Variants in SLC35F4 observed in about 807,000 individuals in gnomAD.
The protein encoded by SLC35F4 is solute carrier family 35 member F4.
A neutral mutation model predicts 44.2 loss-of-function variants in SLC35F4; 24 were observed. That is an observed-to-expected ratio of 0.54 (90% CI 0.39 to 0.76). The LOEUF (loss-of-function observed/expected upper bound fraction) is 0.76, where lower values mean the gene tolerates loss of function less well. Among genes scored for constraint, SLC35F4 ranks in the 30% least tolerant of loss-of-function variants. SLC35F4 has a pLI of 0.00. For missense variants in SLC35F4, 562 were observed against 586.1 expected (o/e 0.96, Z 0.42); for synonymous variants, 238 against 223.6 (o/e 1.06, Z -0.57).
At chr14:57,589,093 C>G in intron 3 of SLC35F4, 123 bp downstream of exon 3, 1 of 1,058,528 alleles carries the variant, frequency 9.4e-7, no homozygotes, top group Non-Finnish European at 1.4e-6. Context: ...TCGTCTCCAA[C>G]CTTAGATCTT....
chr14:57,596,932 A>C, intron 1 of SLC35F4: 1 of 1,334,356 alleles, frequency 7.5e-7, no homozygotes, highest in Non-Finnish European at 1.0e-6. Flanking sequence ...AAACAATACA[A>C]ACTTTAAACT....
At chr14:57,767,803 A>C (rs1238388465) in intron 1 of SLC35F4, among the ~76,000 whole-genome samples, 1 of 152,168 alleles carries the variant, frequency 6.6e-6, no homozygotes, top group East Asian at 1.9e-4. Flanking sequence ...GATACAAATC[A>C]CCAAGATCAA....
chr14:57,942,598 A>G (rs1273557217), intron 1 of SLC35F4, among the ~76,000 whole-genome samples: 1 of 152,214 alleles, frequency 6.6e-6, no homozygotes, highest in Non-Finnish European at 1.5e-5. Flanking sequence ...CGGAATTTCA[A>G]TACAAGTTTA....
chr14:57,929,058 A>G (rs944723672), intron 1 of SLC35F4, among the ~76,000 whole-genome samples: 1 of 152,204 alleles, frequency 6.6e-6, no homozygotes, highest in Non-Finnish European at 1.5e-5. Flanking sequence ...CCAGGGAAAA[A>G]GTATTGAAAT....
intron 1 of SLC35F4, chr14:57,630,807 C>A (rs2072733625): frequency 1.7e-6 from 1 of 603,654 alleles, no homozygotes; most frequent in Non-Finnish European, 2.3e-6. Context: ...TGTTAGTTTT[C>A]CCTGTACCAG....
intron 1 of SLC35F4, among the ~76,000 whole-genome samples, chr14:57,925,808 C>T (rs1404640126): frequency 6.6e-6 from 1 of 152,164 alleles, no homozygotes; most frequent in African/African-American, 2.4e-5. Context: ...TTAAATCTTA[C>T]ACAAGGTACA....
chr14:57,870,842 C>T (rs1229462487), upstream of SLC35F4, among the ~76,000 whole-genome samples: 1 of 152,216 alleles, frequency 6.6e-6, no homozygotes, highest in Non-Finnish European at 1.5e-5. Context: ...TTACAGGTCT[C>T]CTTTAATTCT....
intron 6 of SLC35F4, 121 bp from the exon 7 acceptor site, chr14:57,566,685 A>G (rs1272142025): frequency 5.2e-6 from 5 of 953,862 alleles, no homozygotes; most frequent in Non-Finnish European, 7.9e-6. Flanking sequence ...TATACCTTTG[A>G]TCCTCTAATT....
intron 1 of SLC35F4, among the ~76,000 whole-genome samples, chr14:57,970,766 C>T (rs1262497287): frequency 2.6e-5 from 4 of 152,112 alleles, no homozygotes; most frequent in South Asian, 2.1e-4. Flanking sequence ...GCATCCCACT[C>T]GACCCAGATG....
intron 1 of SLC35F4, among the ~76,000 whole-genome samples, chr14:57,664,343 G>A (rs904940476): frequency 3.9e-5 from 6 of 152,156 alleles, no homozygotes; most frequent in African/African-American, 1.2e-4. Flanking sequence ...AATGCTACCT[G>A]TTAAATGAAT....
chr14:57,780,400 T>C (rs2077588030), intron 1 of SLC35F4, among the ~76,000 whole-genome samples: 1 of 151,766 alleles, frequency 6.6e-6, no homozygotes, highest in Non-Finnish European at 1.5e-5. Context: ...ATCTCTACAA[T>C]AAGAATTACA....
At chr14:57,585,969 A>G (rs2069685473) in intron 3 of SLC35F4, among the ~76,000 whole-genome samples, 1 of 152,234 alleles carries the variant, frequency 6.6e-6, no homozygotes, top group African/African-American at 2.4e-5. Context: ...AGAATTGGAA[A>G]AAAACTACTT....
intron 1 of SLC35F4, among the ~76,000 whole-genome samples, chr14:57,905,874 G>T (rs1694521318): frequency 1.3e-5 from 2 of 152,244 alleles, no homozygotes; most frequent in South Asian, 4.1e-4. Context: ...GAAGAACAGG[G>T]GAAAGGGTAT....
intron 2 of SLC35F4, among the ~76,000 whole-genome samples, chr14:57,590,349 T>C (rs1018409616): frequency 1.3e-5 from 2 of 151,998 alleles, no homozygotes; most frequent in Non-Finnish European, 1.5e-5. Context: ...GCAATGATTG[T>C]ACCACTGCAC....
At chr14:57,654,661 C>T (rs941422042) in intron 1 of SLC35F4, among the ~76,000 whole-genome samples, 2 of 152,156 alleles carry the variant, frequency 1.3e-5, no homozygotes, top group African/African-American at 4.8e-5. Context: ...CTTTAAGGAA[C>T]CTTCATACTG....
chr14:57,916,783 T>A (rs1284013787), intron 1 of SLC35F4, among the ~76,000 whole-genome samples: 1 of 152,218 alleles, frequency 6.6e-6, no homozygotes, highest in Non-Finnish European at 1.5e-5. Context: ...TATGCCCATG[T>A]AACAAACCTG....
chr14:57,745,823 T>C (rs1210267885), intron 1 of SLC35F4, among the ~76,000 whole-genome samples: 2 of 152,144 alleles, frequency 1.3e-5, no homozygotes, highest in African/African-American at 4.8e-5. Flanking sequence ...AGCAAAGACT[T>C]GGAACCAACC....
At chr14:57,952,013 G>A (rs533425297) in intron 1 of SLC35F4, among the ~76,000 whole-genome samples, 21 of 152,322 alleles carry the variant, frequency 1.4e-4, no homozygotes, top group African/African-American at 4.8e-4. Flanking sequence ...AGCAGGGGTC[G>A]ACAGATACCT....
At chr14:57,718,282 T>C (rs1195905382) in intron 1 of SLC35F4, among the ~76,000 whole-genome samples, 2 of 152,224 alleles carry the variant, frequency 1.3e-5, no homozygotes, top group Non-Finnish European at 1.5e-5. Context: ...TCTTGACTAT[T>C]GTGAATAGTG....
Sources: allele counts gnomAD v4.1 joint callset (sites outside exome capture counted in the v4.1 genomes callset), GRCh38; gene constraint gnomAD v4.1.1; transcripts MANE v1.5; gene names NCBI Gene and HGNC (gene_info 2026-07-23, HGNC 2026-07-21).